The following AOPEP variants were observed in gnomAD, a reference collection of about 807,000 sequenced individuals.
AOPEP encodes the protein aminopeptidase O (putative), also known as aminopeptidase O.
Under a neutral mutation model 98.1 loss-of-function variants are expected in AOPEP, and 77 were observed. The ratio of observed to expected loss-of-function variants is 0.78; its 90% CI spans 0.65 to 0.95. The LOEUF (loss-of-function observed/expected upper bound fraction) is 0.95, where lower values mean the gene tolerates loss of function less well. Ranked by LOEUF, AOPEP falls within the 40% of genes least tolerant of loss-of-function variation. AOPEP has a pLI of 0.00. For missense variants in AOPEP, 1,024 were observed against 1,024.7 expected, an observed-to-expected ratio of 1.00 and a Z score of 0.01; for synonymous variants, 346 against 365.3, an observed-to-expected ratio of 0.95 and a Z score of 0.60.
chr9:94,780,080 C>T (rs1842944647), intron 3 of AOPEP, among the ~76,000 whole-genome samples: 1 of 152,154 alleles, frequency 6.6e-6, no homozygotes, highest in African/African-American at 2.4e-5. Flanking sequence ...TAAATCTAGT[C>T]CACTGCCTGT....
chr9:94,807,140 G>A (rs1446050924), intron 5 of AOPEP, among the ~76,000 whole-genome samples: 1 of 152,146 alleles, frequency 6.6e-6, no homozygotes, highest in Admixed American at 6.5e-5. Flanking sequence ...GCAAATTCCT[G>A]GATCACATGA....
chr9:94,728,089 T>C (rs1829624198), intron 1 of AOPEP, among the ~76,000 whole-genome samples: 1 of 152,248 alleles, frequency 6.6e-6, no homozygotes, highest in Admixed American at 6.5e-5. Flanking sequence ...TTAGGCTTTT[T>C]ACAATAGTTG....
chr9:94,756,919 A>T (rs1020251697), intron 1 of AOPEP, among the ~76,000 whole-genome samples: 16 of 152,280 alleles, frequency 1.1e-4, no homozygotes, highest in African/African-American at 3.6e-4. Context: ...TTTGTGATTC[A>T]GTTTCCAGGT....
the AOPEP span, among the ~76,000 whole-genome samples, chr9:95,134,077 T>C: frequency 1.3e-5 from 2 of 152,188 alleles, no homozygotes; most frequent in African/African-American, 2.4e-5. Context: ...TCAGGTGGGA[T>C]CCGTGTGTGC....
At chr9:95,025,823 C>A (rs1046487102) in intron 13 of AOPEP, among the ~76,000 whole-genome samples, 2 of 152,140 alleles carry the variant, frequency 1.3e-5, no homozygotes, top group African/African-American at 4.8e-5. Context: ...TTCTAAAAGT[C>A]GTGTGTTCCT....
At chr9:94,731,232 T>G (rs1218946377) in intron 1 of AOPEP, among the ~76,000 whole-genome samples, 5 of 144,966 alleles carry the variant, frequency 3.4e-5, no homozygotes, top group Non-Finnish European at 7.6e-5. Flanking sequence ...ATCCAACTTG[T>G]TTTTTTTTTT....
chr9:95,068,407 C>T (rs959696240), intron 14 of AOPEP, among the ~76,000 whole-genome samples: 7 of 152,106 alleles, frequency 4.6e-5, no homozygotes, highest in African/African-American at 9.7e-5. Flanking sequence ...CTTTTTTTCA[C>T]GTATTGACTA....
chr9:94,820,477 T>C (rs914782699), intron 5 of AOPEP, among the ~76,000 whole-genome samples: 7 of 152,198 alleles, frequency 4.6e-5, no homozygotes, highest in Non-Finnish European at 8.8e-5. Flanking sequence ...GATATAATAT[T>C]AGGCCTTAAA....
At chr9:95,021,165 T>G (rs1030516782) in intron 13 of AOPEP, among the ~76,000 whole-genome samples, 9 of 152,284 alleles carry the variant, frequency 5.9e-5, no homozygotes, top group Admixed American at 3.3e-4. Flanking sequence ...ATAGGCCAGA[T>G]CAAACTACCC....
intron 1 of AOPEP, among the ~76,000 whole-genome samples, chr9:94,743,426 T>G (rs532936707): frequency 1.1e-4 from 16 of 152,214 alleles, no homozygotes; most frequent in Non-Finnish European, 1.5e-4. Flanking sequence ...AAACTTGTAG[T>G]GAAGTGGTGT....
At chr9:94,793,966 G>A (rs952535945) in intron 4 of AOPEP, among the ~76,000 whole-genome samples, 1 of 152,174 alleles carries the variant, frequency 6.6e-6, no homozygotes, top group African/African-American at 2.4e-5. Context: ...TGCTGTTAGC[G>A]GTGCACTGTA....
intron 13 of AOPEP, among the ~76,000 whole-genome samples, chr9:95,034,146 T>C (rs771534282): frequency 1.4e-4 from 21 of 152,222 alleles, no homozygotes; most frequent in Non-Finnish European, 1.0e-4. Context: ...GGGTACCTAT[T>C]TGAAAACAAG....
chr9:94,760,441 T>C lies in AOPEP; in HGVS notation c.658T>C (p.Phe220Leu), dbSNP rs1330600826. ...GGCTCCTGGCTGTGGGGAACTCCTC[T>C]TTGACACTGACACTTGGAGCTTGCA... ...SQAPGCGELL[F>L]DTDTWSLQIR... is the part of the protein sequence containing the mutation. Residue 220 changes from phenylalanine (F) to leucine (L), a missense_variant, in exon 2 of 17, where the codon TTT becomes CTT. Physicochemically the swap from Phe to Leu is conservative, Grantham distance 22. This residue lies in a region of AOPEP where 440 missense variants were observed against 433.8 expected (regional missense o/e 1.01). Coordinates refer to ENST00000375315, the MANE Select transcript of AOPEP (RefSeq NM_001193329.3). 6 of 1,613,866 alleles carry C rather than the reference T, an allele frequency of 3.7e-6. No homozygotes were observed. In the South Asian group the frequency reaches 6.6e-5, roughly 18 times the overall value.
At chr9:94,837,492 T>C (rs1257358961) in intron 5 of AOPEP, among the ~76,000 whole-genome samples, 3 of 152,122 alleles carry the variant, frequency 2.0e-5, no homozygotes, top group African/African-American at 7.2e-5. Flanking sequence ...CTGATGAACA[T>C]AGATAGAAAA....
At chr9:94,913,024 G>C (rs16911830) in intron 5 of AOPEP, among the ~76,000 whole-genome samples, 10,449 of 152,210 alleles carry the variant, frequency 0.069, 1,221 homozygotes, top group African/African-American at 0.24. Context: ...AAACAGACCC[G>C]GGTGCCTTTC....
intron 5 of AOPEP, among the ~76,000 whole-genome samples, chr9:94,910,393 G>T (rs914231980): frequency 2.0e-5 from 3 of 152,184 alleles, no homozygotes; most frequent in African/African-American, 7.2e-5. Flanking sequence ...CAGCTTCCTT[G>T]TCCTCTGGCT....
the AOPEP span, chr9:95,107,297 G>A: frequency 1.2e-6 from 2 of 1,607,490 alleles, no homozygotes; most frequent in Non-Finnish European, 1.7e-6. Context: ...ACAGGGGAGA[G>A]GTTAGGAAGA....
rs2053980565 is a variant in AOPEP at position 94,924,112 on chromosome 9, G to T, written c.1491G>T (p.Glu497Asp). 1.3e-6 allele frequency: 2 copies of T among 1,510,970 alleles called. No individual in the cohort carries two copies. The highest frequency in any genetic ancestry group is 1.4e-5 in the African/African-American group (1 of 71,326). The allele number at this position is 1,510,970 out of a possible 1,614,324, so 93.6% of individuals were successfully genotyped here. A position where few individuals can be genotyped will look rare whatever the true frequency, so the allele number is the denominator to read the frequency against. The change falls in exon 6 of 17, where the codon GAG becomes GAT. Residue 497 changes from glutamate (E) to aspartate (D), a missense_variant. Transcript: ENST00000375315. Reference protein sequence around the residue: ...GLAIGARDWTEEWLSEGFATH... With the variant: ...GLAIGARDWTDEWLSEGFATH... ...CCATCGGGGCCCGAGACTGGACGGA[G>T]GAGTGGCTGAGTGAAGGCTTCGCCA...
At chr9:94,827,519 T>A (rs1854905768) in intron 5 of AOPEP, among the ~76,000 whole-genome samples, 1 of 152,204 alleles carries the variant, frequency 6.6e-6, no homozygotes, top group Non-Finnish European at 1.5e-5. Context: ...CTCTAACTTA[T>A]CATGAGGACA....
Sources: gnomAD v4.1 joint callset for allele counts (sites outside exome capture counted in the v4.1 genomes callset) on GRCh38, gnomAD v4.1.1 for gene constraint, gnomAD v4.1.1 regional missense constraint, MANE v1.5 for transcripts, NCBI Gene and HGNC (gene_info 2026-07-23, HGNC 2026-07-21) for gene names.